The following BMP2K variants were observed in gnomAD, a reference collection of about 807,000 sequenced individuals.
BMP2K encodes BMP2 inducible kinase.
Under a neutral mutation model 116.0 loss-of-function variants are expected in BMP2K, and 74 were observed. That is an observed-to-expected ratio of 0.64 (90% CI 0.53 to 0.77). The LOEUF (loss-of-function observed/expected upper bound fraction) is 0.77, where lower values mean the gene tolerates loss of function less well. BMP2K is among the 30% of genes least tolerant of loss of function. The pLI, the probability that BMP2K is intolerant of heterozygous loss-of-function variation, is 0.00. For synonymous variants in BMP2K, 486 were observed against 502.5 expected, an observed-to-expected ratio of 0.97 and a Z score of 0.44; for missense variants, 1,365 against 1,403.6, an observed-to-expected ratio of 0.97 and a Z score of 0.44.
chr4:78,812,754 T>C (rs1729150888), intron 1 of BMP2K, among the ~76,000 whole-genome samples: 1 of 152,156 alleles, frequency 6.6e-6, no homozygotes, highest in African/African-American at 2.4e-5. Flanking sequence ...TAAGACTATT[T>C]GGCTGTGGTG....
intron 8 of BMP2K, among the ~76,000 whole-genome samples, chr4:78,860,970 C>A (rs1731748926): frequency 6.6e-6 from 1 of 151,766 alleles, no homozygotes; most frequent in South Asian, 2.1e-4. Context: ...CCTCATTTTC[C>A]AGGCCTTACA....
intron 1 of BMP2K, among the ~76,000 whole-genome samples, chr4:78,777,514 C>G (rs985035035): frequency 1.7e-4 from 26 of 152,184 alleles, no homozygotes; most frequent in African/African-American, 5.8e-4. Context: ...AAAAGAAGAA[C>G]TTAGAATTTA....
At chr4:78,813,182 C>T (rs1276865439) in intron 1 of BMP2K, among the ~76,000 whole-genome samples, 1 of 152,150 alleles carries the variant, frequency 6.6e-6, no homozygotes, top group Non-Finnish European at 1.5e-5. Context: ...TTATTTTAAA[C>T]TGTTTTTCTC....
At chr4:78,833,339 C>T (rs889202545) in intron 2 of BMP2K, among the ~76,000 whole-genome samples, 1 of 152,014 alleles carries the variant, frequency 6.6e-6, no homozygotes, top group Non-Finnish European at 1.5e-5. Flanking sequence ...TTGCGTGAAC[C>T]ATTTTCACAG....
At chr4:78,821,637 GGGTA>G (rs954101517) in intron 1 of BMP2K, among the ~76,000 whole-genome samples, 11 of 152,264 alleles carry the variant, frequency 7.2e-5, no homozygotes, top group African/African-American at 2.6e-4. Flanking sequence ...GTGGGGAATG[GGGTA>G]GCAAATCAAG....
At chr4:78,831,679 C>G (rs1027846636) in intron 2 of BMP2K, among the ~76,000 whole-genome samples, 1 of 152,050 alleles carries the variant, frequency 6.6e-6, no homozygotes, top group East Asian at 1.9e-4. Flanking sequence ...AGGCATCTTT[C>G]AACAAGGGAA....
At chr4:78,809,558 C>G (rs957571068) in intron 1 of BMP2K, among the ~76,000 whole-genome samples, 1 of 151,734 alleles carries the variant, frequency 6.6e-6, no homozygotes, top group African/African-American at 2.4e-5. Flanking sequence ...TTTTTATTGT[C>G]TTGTACAGAC....
At chr4:78,806,624 A>C (rs561298617) in intron 1 of BMP2K, among the ~76,000 whole-genome samples, 2 of 152,298 alleles carry the variant, frequency 1.3e-5, no homozygotes, top group South Asian at 4.1e-4. Flanking sequence ...AAATATATAT[A>C]CCTGCTGTGT....
chr4:78,831,403 G>A (rs1730197906), intron 2 of BMP2K, among the ~76,000 whole-genome samples: 1 of 152,208 alleles, frequency 6.6e-6, no homozygotes, highest in Non-Finnish European at 1.5e-5. Context: ...ATGCAGGATT[G>A]CCACAAACCT....
intron 6 of BMP2K, among the ~76,000 whole-genome samples, chr4:78,848,355 A>C (rs1731104936): frequency 6.6e-6 from 1 of 151,418 alleles, no homozygotes; most frequent in Non-Finnish European, 1.5e-5. Context: ...TTAACATTTG[A>C]CTCATTGAAT....
At position 78,871,935 on chromosome 4, in the gene BMP2K, AG is replaced by A; in HGVS notation, c.1596del (p.Gln532HisfsTer5). On this transcript the variant is annotated frameshift_variant, in exon 12 of 16. Transcript: ENST00000502613. LOFTEE classifies it high-confidence loss of function. ...SVYQPQPSAS[Q>X]YPTMMPQYQQ... ...TATCAACCACAACCTTCTGCATCACAGTATCCTACAATGGTAACTTAAATAA... is the reference window on the plus strand; with the variant it reads ...TATCAACCACAACCTTCTGCATCACATATCCTACAATGGTAACTTAAATAA... The A allele has an allele frequency of 6.2e-7, 1 of 1,606,188 alleles. No individual in the cohort carries two copies. Among genetic ancestry groups the A allele is most frequent in the Non-Finnish European group, 8.5e-7 (1 of 1,174,794 alleles).
In BMP2K at chr4:78,909,326, G is replaced by A. The variant is rs551744938; in HGVS notation, c.2063-1284G>A. 5.9e-5 allele frequency among the ~76,000 whole-genome samples: 9 copies of A among 151,412 alleles called. No homozygotes were observed. The East Asian group carries it at 1.2e-3, about 20-fold the overall frequency. ...GCTGGGATTACAGGGGTGAGCCACC[G>A]CACCCAGCCCCCTTAGTGTTTTTCT... is the stretch of plus-strand genomic sequence containing the variant. On this transcript the variant is annotated intron_variant, in intron 15 of 15. Transcript: ENST00000502613.
At position 78,850,998 on chromosome 4, in the gene BMP2K, T is replaced by C. The variant is rs752934891; in HGVS notation, c.825T>C (p.Asp275=). 3.1e-6 allele frequency: 5 copies of C among 1,612,220 alleles called. No individual in the cohort carries two copies. In the African/African-American group the frequency reaches 5.3e-5, roughly 17 times the overall value. Residue 275 remains aspartate (D), a synonymous_variant, in exon 7 of 16, where the codon GAT becomes GAC. Transcript: ENST00000502613. ...GTGAGAGTCAGGTTGCTATCTGTGA[T>C]GGCAACTTCACCATCCCAGACAATT... is the stretch of plus-strand genomic sequence containing the variant. ...PFGESQVAIC[D]GNFTIPDNSR...
At chr4:78,846,894 GA>G (rs772576011) in intron 5 of BMP2K, among the ~76,000 whole-genome samples, 10 of 151,370 alleles carry the variant, frequency 6.6e-5, no homozygotes, top group Middle Eastern at 3.4e-3. Context: ...GAAATTCAAG[GA>G]AAACTGTTTC....
chr4:78,848,339 G>A (rs1365265106), intron 6 of BMP2K, among the ~76,000 whole-genome samples: 3 of 151,370 alleles, frequency 2.0e-5, no homozygotes, highest in Admixed American at 2.0e-4. Context: ...TTTGCTTTCT[G>A]CAGCATTAAC....
intron 15 of BMP2K, among the ~76,000 whole-genome samples, 159 bp from the exon 16 acceptor site, chr4:78,910,451 C>T (rs1734525680): frequency 6.6e-6 from 1 of 152,178 alleles, no homozygotes; most frequent in African/African-American, 2.4e-5. Flanking sequence ...CAAATGCATT[C>T]TCTAAGTCTA....
intron 1 of BMP2K, among the ~76,000 whole-genome samples, chr4:78,790,424 T>G (rs541677760): frequency 1.7e-4 from 26 of 152,276 alleles, no homozygotes; most frequent in African/African-American, 6.3e-4. Flanking sequence ...TAAATTACAT[T>G]CGTAATAGCA....
intron 6 of BMP2K, among the ~76,000 whole-genome samples, chr4:78,848,817 G>A (rs1471263606): frequency 6.6e-6 from 1 of 150,618 alleles, no homozygotes; most frequent in Non-Finnish European, 1.5e-5. Context: ...AAAAAAAAAA[G>A]AAACATAATT....
chr4:78,815,290 G>C (rs1729284648), intron 1 of BMP2K, among the ~76,000 whole-genome samples: 1 of 152,112 alleles, frequency 6.6e-6, no homozygotes, highest in South Asian at 2.1e-4. Context: ...AAAAGTAGAG[G>C]AATAAAGTTA....
Sources: gnomAD v4.1 joint callset for allele counts (sites outside exome capture counted in the v4.1 genomes callset) on GRCh38, gnomAD v4.1.1 for gene constraint, MANE v1.5 for transcripts, NCBI Gene and HGNC (gene_info 2026-07-23, HGNC 2026-07-21) for gene names.